ANTXR1: variants seen among roughly 807,000 people sequenced by gnomAD.
ANTXR1 encodes the protein ANTXR cell adhesion molecule 1, also known as anthrax toxin receptor 1.
A neutral mutation model predicts 78.1 loss-of-function variants in ANTXR1; 19 were observed. That is an observed-to-expected ratio of 0.24 (90% confidence interval 0.17 to 0.36). ANTXR1 has a LOEUF of 0.36. Ranked by LOEUF, ANTXR1 falls within the 10% of genes least tolerant of loss-of-function variation. The probability of loss-of-function intolerance (pLI) is 1.00; values close to 1 mark genes in which losing one functional copy is unlikely to be tolerated. For synonymous variants in ANTXR1, 273 were observed against 260.5 expected (o/e 1.05, Z -0.46); for missense variants, 518 against 718.6 (o/e 0.72, Z 3.19).
chr2:69,106,568 A>C (rs4555379), intron 10 of ANTXR1, among the ~76,000 whole-genome samples: 61,030 of 152,136 alleles, frequency 0.4, 12,658 homozygotes, highest in East Asian at 0.5. Flanking sequence ...CTCCAGCAGG[A>C]TACACCAATC....
chr2:69,211,552 G>A (rs1255136498), intron 17 of ANTXR1, among the ~76,000 whole-genome samples: 1 of 152,264 alleles, frequency 6.6e-6, no homozygotes, highest in Non-Finnish European at 1.5e-5. Context: ...GTTCATAGGT[G>A]TCAAATACAT....
intron 12 of ANTXR1, among the ~76,000 whole-genome samples, chr2:69,130,158 C>T (rs930637803): frequency 4.6e-5 from 7 of 152,152 alleles, no homozygotes; most frequent in African/African-American, 7.2e-5. Flanking sequence ...TGTGGCAGTG[C>T]GGCCCAGTTG....
At chr2:69,130,088 A>T (rs1034250379) in intron 12 of ANTXR1, among the ~76,000 whole-genome samples, 1 of 152,086 alleles carries the variant, frequency 6.6e-6, no homozygotes, top group African/African-American at 2.4e-5. Context: ...GACATTTCTC[A>T]AGTTGGCAAC....
At chr2:69,120,517 A>G (rs1672311735) in intron 10 of ANTXR1, among the ~76,000 whole-genome samples, 1 of 152,050 alleles carries the variant, frequency 6.6e-6, no homozygotes, top group South Asian at 2.1e-4. Flanking sequence ...AATATATAGA[A>G]ATTAGGTGGG....
chr2:69,191,891 G>A (rs919331744), intron 16 of ANTXR1, among the ~76,000 whole-genome samples: 2 of 152,232 alleles, frequency 1.3e-5, no homozygotes, highest in African/African-American at 4.8e-5. Flanking sequence ...CAAGTTACTT[G>A]ATCTCTCTTT....
intron 13 of ANTXR1, among the ~76,000 whole-genome samples, chr2:69,160,583 C>T (rs534379579): frequency 2.4e-4 from 36 of 152,222 alleles, no homozygotes; most frequent in African/African-American, 7.9e-4. Context: ...TTATATGATA[C>T]AAGTACTCAG....
chr2:69,098,137 G>T (rs1671490111), intron 9 of ANTXR1, among the ~76,000 whole-genome samples: 1 of 152,172 alleles, frequency 6.6e-6, no homozygotes, highest in Non-Finnish European at 1.5e-5. Flanking sequence ...GGGAAGTTCT[G>T]GGGGTGACAG....
rs188324848 is a variant in ANTXR1, at chr2:69,129,024, C to T, written c.951+4381C>T. On this transcript the variant is annotated intron_variant, in intron 12 of 17. Transcript: ENST00000303714. ...GAGTTTTACAGGAAAGAGATTTTTC[C>T]GTCCAAGAGCTAAAACATTCCTATA... is the stretch of plus-strand genomic sequence containing the variant. Among the ~76,000 whole-genome samples the T allele has an allele frequency of 1.6e-3, 248 of 152,234 alleles. 1 individual carries two copies. The highest frequency in any genetic ancestry group is 3.1e-3 in the Non-Finnish European group (213 of 68,018).
At chr2:69,055,512 G>A (rs575616027) in intron 3 of ANTXR1, among the ~76,000 whole-genome samples, 8 of 152,154 alleles carry the variant, frequency 5.3e-5, no homozygotes, top group Non-Finnish European at 1.0e-4. Context: ...TGAGAGTAGT[G>A]TAGTCCACTG....
At chr2:69,043,448 T>C (rs1669669797) in intron 2 of ANTXR1, among the ~76,000 whole-genome samples, 1 of 152,200 alleles carries the variant, frequency 6.6e-6, no homozygotes, top group African/African-American at 2.4e-5. Flanking sequence ...ATTGTTGTTA[T>C]TATCATTTAG....
At chr2:69,051,925 C>T (rs967971852) in intron 3 of ANTXR1, among the ~76,000 whole-genome samples, 16 of 151,980 alleles carry the variant, frequency 1.1e-4, no homozygotes, top group African/African-American at 3.9e-4. Context: ...TTTGTTTGCA[C>T]TTCCTGATAT....
chr2:69,178,747 G>A (rs1674197882), intron 14 of ANTXR1, among the ~76,000 whole-genome samples: 2 of 152,136 alleles, frequency 1.3e-5, no homozygotes, highest in South Asian at 4.1e-4. Context: ...TAAAATATAG[G>A]GGGAGAAAAA....
chr2:69,039,976 A>C, intron 1 of ANTXR1, 68 bp from the exon 2 acceptor site: 4 of 1,289,642 alleles, frequency 3.1e-6, no homozygotes, highest in Non-Finnish European at 4.5e-6. Context: ...CAGAATGTGA[A>C]GATAAATAAT....
At chr2:69,131,558 T>C (rs758508658) in intron 12 of ANTXR1, among the ~76,000 whole-genome samples, 3 of 152,194 alleles carry the variant, frequency 2.0e-5, no homozygotes, top group Non-Finnish European at 4.4e-5. Context: ...CTCTCAGGCA[T>C]AGTATCGCCC....
intron 13 of ANTXR1, among the ~76,000 whole-genome samples, chr2:69,165,635 T>C (rs58354464): frequency 0.22 from 33,992 of 152,264 alleles, 5,562 homozygotes; most frequent in East Asian, 0.5. Context: ...CTTTTGCTGC[T>C]AAAGCAGCAT....
At chr2:69,014,600 A>G (rs1670967178) in intron 1 of ANTXR1, among the ~76,000 whole-genome samples, 1 of 152,202 alleles carries the variant, frequency 6.6e-6, no homozygotes, top group South Asian at 2.1e-4. Context: ...GCTTCATGCT[A>G]TCTGCTGAAA....
chr2:69,095,887 C>T (rs1241101282), intron 9 of ANTXR1, among the ~76,000 whole-genome samples: 1 of 152,120 alleles, frequency 6.6e-6, no homozygotes, highest in East Asian at 1.9e-4. Flanking sequence ...AACCAGTATT[C>T]CTGGAACTGT....
intron 1 of ANTXR1, among the ~76,000 whole-genome samples, chr2:69,016,340 G>C (rs997849764): frequency 6.6e-6 from 1 of 152,172 alleles, no homozygotes; most frequent in African/African-American, 2.4e-5. Context: ...CATATAAAAT[G>C]CTTTTAAAAA....
chr2:69,131,499 A>G (rs1007808501), intron 12 of ANTXR1, among the ~76,000 whole-genome samples: 2 of 152,250 alleles, frequency 1.3e-5, no homozygotes, highest in Non-Finnish European at 2.9e-5. Context: ...TTTGGAAACA[A>G]CTAGAGAGTT....
Sources: gnomAD v4.1 joint callset for allele counts (sites outside exome capture counted in the v4.1 genomes callset) on GRCh38, gnomAD v4.1.1 for gene constraint, MANE v1.5 for transcripts, NCBI Gene and HGNC (gene_info 2026-07-23, HGNC 2026-07-21) for gene names.